ATP8A2: variants seen among roughly 807,000 people sequenced by gnomAD.
ATP8A2 encodes phospholipid-transporting ATPase IB.
In ATP8A2, 100 loss-of-function variants were observed where a neutral mutation model predicts 165.6. The ratio of observed to expected loss-of-function variants is 0.60; its 90% confidence interval spans 0.51 to 0.71. The LOEUF is 0.71. ATP8A2 is among the 30% of genes least tolerant of loss of function. The probability of loss-of-function intolerance (pLI) is 0.00; values close to 1 mark genes in which losing one functional copy is unlikely to be tolerated. For missense variants in ATP8A2, 1,227 were observed against 1,479.5 expected, an observed-to-expected ratio of 0.83 and a Z score of 2.80; for synonymous variants, 543 against 548.8, an observed-to-expected ratio of 0.99 and a Z score of 0.15.
chr13:25,935,222 C>T (rs1453061641), intron 33 of ATP8A2, among the ~76,000 whole-genome samples: 1 of 152,162 alleles, frequency 6.6e-6, no homozygotes, highest in Non-Finnish European at 1.5e-5. Context: ...CATGTTGTCT[C>T]AGTTGATATT....
rs1426291667 is a variant in ATP8A2, at chr13:25,953,869, A to G, written c.3184-7706A>G. Among the ~76,000 whole-genome samples the G allele has an allele frequency of 1.3e-5, 2 of 152,112 alleles. No homozygotes were observed. On this transcript the variant is annotated intron_variant, in intron 33 of 36. Transcript: ENST00000381655. The surrounding 1 kb of genome is among the most constrained non-coding windows in gnomAD (Gnocchi z 6.7). Reference sequence around the variant, plus strand: ...GTCTTCGCAAACTGCAGACCAGGAGATTCCCTCCGGTGCCTACATCACCAG... The same window carrying G: ...GTCTTCGCAAACTGCAGACCAGGAGGTTCCCTCCGGTGCCTACATCACCAG...
At chr13:25,932,939 C>G (rs1301696016) in intron 33 of ATP8A2, among the ~76,000 whole-genome samples, 1 of 152,174 alleles carries the variant, frequency 6.6e-6, no homozygotes, top group Admixed American at 6.5e-5. Flanking sequence ...CTCCGCCTCC[C>G]AGGTTCAAGT....
intron 24 of ATP8A2, among the ~76,000 whole-genome samples, chr13:25,624,900 T>G (rs1287707194): frequency 1.3e-5 from 2 of 152,212 alleles, no homozygotes; most frequent in African/African-American, 4.8e-5. Context: ...AGATGTGTGT[T>G]GCTTCTGATA....
intron 2 of ATP8A2, among the ~76,000 whole-genome samples, chr13:25,516,717 C>G (rs774610556): frequency 6.6e-6 from 1 of 150,850 alleles, no homozygotes; most frequent in Non-Finnish European, 1.5e-5. Context: ...AATCTCATAA[C>G]TCTTTTTTTT....
At chr13:25,684,277 T>G (rs2042556100) in intron 24 of ATP8A2, among the ~76,000 whole-genome samples, 1 of 152,244 alleles carries the variant, frequency 6.6e-6, no homozygotes, top group Admixed American at 6.5e-5. Context: ...ACTGGAAATA[T>G]TTTTGCTCCT....
At position 25,642,929 on chromosome 13, in the gene ATP8A2, T is replaced by C. The variant is rs2137578182; in HGVS notation, c.2211+53230T>C. ...TCCTTTGTAGGGACATGGATGAAGCTGGAAACCATTATTCTCAGCAAACTA... is the reference window on the plus strand; with the variant it reads ...TCCTTTGTAGGGACATGGATGAAGCCGGAAACCATTATTCTCAGCAAACTA... On this transcript the variant is annotated intron_variant, in intron 24 of 36. Coordinates refer to ENST00000381655, the MANE Select transcript of ATP8A2 (RefSeq NM_016529.6). Among the ~76,000 whole-genome samples the C allele has an allele frequency of 1.3e-5, 2 of 152,294 alleles. 1 individual carries two copies. The highest frequency in any genetic ancestry group is 6.8e-3 in the Middle Eastern group (2 of 294).
At chr13:25,438,209 C>A (rs571101782) in intron 1 of ATP8A2, among the ~76,000 whole-genome samples, 90 of 152,216 alleles carry the variant, frequency 5.9e-4, no homozygotes, top group Non-Finnish European at 9.6e-4. Context: ...CAGTGAATGT[C>A]AGAGAGGAGC....
intron 27 of ATP8A2, among the ~76,000 whole-genome samples, chr13:25,820,160 G>A (rs972151053): frequency 3.9e-5 from 6 of 152,220 alleles, no homozygotes; most frequent in African/African-American, 1.4e-4. Context: ...GGGACGTCCA[G>A]ACAGGAGCCT....
intron 27 of ATP8A2, among the ~76,000 whole-genome samples, chr13:25,806,106 T>C (rs1950732509): frequency 6.6e-6 from 1 of 152,084 alleles, no homozygotes; most frequent in African/African-American, 2.4e-5. Context: ...GAAACATACG[T>C]AGGGCAGCAT....
chr13:25,630,071 CT>C (rs2041201182), intron 24 of ATP8A2, among the ~76,000 whole-genome samples: 1 of 117,146 alleles, frequency 8.5e-6, no homozygotes, highest in South Asian at 2.8e-4. Flanking sequence ...TTTAAGACAC[CT>C]TTTTGTCCCC....
At chr13:25,554,051 C>G in intron 12 of ATP8A2, 131 bp downstream of exon 12, 1 of 965,556 alleles carries the variant, frequency 1.0e-6, no homozygotes, top group South Asian at 1.8e-5. Context: ...ACTGGCCATA[C>G]AAAGAACTGG....
chr13:25,976,780 TTTTGTTTG>T (rs373315805), intron 35 of ATP8A2, among the ~76,000 whole-genome samples: 10 of 150,374 alleles, frequency 6.7e-5, no homozygotes, highest in Admixed American at 1.3e-4. Flanking sequence ...AAGCGGCTCA[TTTTGTTTG>T]TTTGTTTGTT....
In ATP8A2 at chr13:25,699,223, G is replaced by C. The variant is rs201704312; in HGVS notation, c.2262G>C (p.Leu754=). The change falls in exon 25 of 37, where the codon CTG becomes CTC. Residue 754 remains leucine, a synonymous_variant. Coordinates refer to ENST00000381655, the MANE Select transcript of ATP8A2 (RefSeq NM_016529.6). ...ACTGCACTGACCTTGGGAATTTGCT[G>C]GGCAAGGAAAATGACGTGGCCCTGA... ...TQHCTDLGNL[L]GKENDVALII... The C allele has an allele frequency of 8.7e-6, 14 of 1,613,104 alleles. No homozygotes were observed. In the East Asian group the frequency reaches 3.1e-4, roughly 36 times the overall value.
At chr13:25,631,864 G>A (rs577144979) in intron 24 of ATP8A2, among the ~76,000 whole-genome samples, 1 of 150,564 alleles carries the variant, frequency 6.6e-6, no homozygotes, top group East Asian at 2.0e-4. Flanking sequence ...AGAAATGTGG[G>A]GAGTTTTCCC....
intron 1 of ATP8A2, among the ~76,000 whole-genome samples, chr13:25,401,473 C>G (rs1019595853): frequency 6.6e-6 from 1 of 152,132 alleles, no homozygotes; most frequent in African/African-American, 2.4e-5. Context: ...TAAGAAGGCT[C>G]TTGTTTCCTT....
At chr13:25,436,574 G>A (rs2034782136) in intron 1 of ATP8A2, among the ~76,000 whole-genome samples, 2 of 152,130 alleles carry the variant, frequency 1.3e-5, no homozygotes, top group African/African-American at 2.4e-5. Context: ...ATGAACATAA[G>A]CGTGTGTCTG....
At chr13:25,494,461 T>A (rs1170464917) in intron 2 of ATP8A2, among the ~76,000 whole-genome samples, 1 of 152,158 alleles carries the variant, frequency 6.6e-6, no homozygotes, top group Non-Finnish European at 1.5e-5. Flanking sequence ...AAAGCCATGC[T>A]GCAAAGGGTA....
At chr13:25,720,065 A>G (rs34902151) in intron 25 of ATP8A2, among the ~76,000 whole-genome samples, 42,928 of 151,230 alleles carry the variant, frequency 0.28, 7,760 homozygotes, top group Middle Eastern at 0.42. Flanking sequence ...CTCTCTCCTG[A>G]TTTTATAAGC....
chr13:25,467,009 C>T (rs1351355695), intron 1 of ATP8A2, among the ~76,000 whole-genome samples: 1 of 152,234 alleles, frequency 6.6e-6, no homozygotes, highest in East Asian at 1.9e-4. Flanking sequence ...CAACACCTGG[C>T]CTTCCCTGAT....
Sources: allele counts gnomAD v4.1 joint callset (sites outside exome capture counted in the v4.1 genomes callset), GRCh38; gene constraint gnomAD v4.1.1; non-coding constraint Gnocchi (gnomAD v3.1); transcripts MANE v1.5; gene names NCBI Gene and HGNC (gene_info 2026-07-23, HGNC 2026-07-21).